The following SDK1 variants were observed in gnomAD, a reference collection of about 807,000 sequenced individuals.
SDK1 encodes protein sidekick-1.
SDK1 carries 157 observed loss-of-function variants against 245.5 expected under a neutral mutation model. That is an observed-to-expected ratio of 0.64 (90% confidence interval 0.56 to 0.73). SDK1 has a LOEUF of 0.73. Ranked by LOEUF, SDK1 falls within the 30% of genes least tolerant of loss-of-function variation. SDK1 has a pLI of 0.00. For missense variants in SDK1, 3,583 were observed against 3,002.3 expected, an observed-to-expected ratio of 1.19 and a Z score of -4.52; for synonymous variants, 1,647 against 1,278.5, an observed-to-expected ratio of 1.29 and a Z score of -6.15.
intron 1 of SDK1, among the ~76,000 whole-genome samples, chr7:3,561,605 C>T (rs79718687): frequency 0.02 from 3,114 of 152,254 alleles, 122 homozygotes; most frequent in African/African-American, 0.071. Flanking sequence ...GGTAAATGCT[C>T]AGTAAATAAT....
chr7:4,144,350 C>T (rs1779802495), intron 28 of SDK1, among the ~76,000 whole-genome samples: 2 of 152,162 alleles, frequency 1.3e-5, no homozygotes, highest in African/African-American at 4.8e-5. Flanking sequence ...GCTGCGACAG[C>T]CACTCTGGGG....
chr7:3,344,934 C>G (rs1417745715), intron 1 of SDK1, among the ~76,000 whole-genome samples: 3 of 152,134 alleles, frequency 2.0e-5, no homozygotes, highest in African/African-American at 7.2e-5. Flanking sequence ...TCCACACAAG[C>G]ACAAATTGAC....
intron 4 of SDK1, among the ~76,000 whole-genome samples, chr7:3,651,570 G>C (rs2128655993): frequency 6.6e-6 from 1 of 152,286 alleles, no homozygotes; most frequent in African/African-American, 2.4e-5. Context: ...CTAGAGGACA[G>C]AGTAATCAAT....
Position 3,668,122 on chromosome 7 carries a change from T to C in SDK1, c.713+26017T>C, listed in dbSNP as rs563979579. Among the ~76,000 whole-genome samples, 4 of 152,292 alleles carry C rather than the reference T, an allele frequency of 2.6e-5. No homozygotes were observed. The South Asian group carries it at 8.3e-4, about 32-fold the overall frequency. ...AGAGGGATAATGGCAGTTTTAGACA[T>C]GCAAGCCATTCTCATTATGTTTTAC... On this transcript the variant is annotated intron_variant, in intron 4 of 44. Coordinates refer to ENST00000404826, the MANE Select transcript of SDK1 (RefSeq NM_152744.4).
intron 29 of SDK1, among the ~76,000 whole-genome samples, chr7:4,147,831 T>C (rs1466764234): frequency 6.6e-6 from 1 of 152,174 alleles, no homozygotes; most frequent in East Asian, 1.9e-4. Context: ...CTTTCTCTAA[T>C]GTATTTGTGT....
intron 40 of SDK1, among the ~76,000 whole-genome samples, chr7:4,231,570 T>A (rs1583133328): frequency 8.0e-6 from 1 of 125,758 alleles, no homozygotes; most frequent in African/African-American, 3.0e-5. Context: ...GAGGGCCCGG[T>A]CTCAAAAAAA....
intron 4 of SDK1, among the ~76,000 whole-genome samples, chr7:3,683,706 T>C (rs1171769533): frequency 2.0e-5 from 3 of 152,200 alleles, no homozygotes; most frequent in Non-Finnish European, 2.9e-5. Flanking sequence ...CCTTGGGACT[T>C]GAGGCATGAG....
chr7:3,356,979 T>G (rs1215119035), intron 1 of SDK1, among the ~76,000 whole-genome samples: 8 of 24,114 alleles, frequency 3.3e-4, no homozygotes, highest in African/African-American at 5.9e-4. Flanking sequence ...CGCTTGAACC[T>G]GGGAGGCAGA....
intron 28 of SDK1, among the ~76,000 whole-genome samples, chr7:4,136,773 A>G (rs1345361492): frequency 1.3e-5 from 2 of 152,248 alleles, no homozygotes; most frequent in African/African-American, 2.4e-5. Flanking sequence ...GGAGGGCCTA[A>G]CATTTACCTT....
chr7:4,166,887 C>T (rs772879987), intron 32 of SDK1, among the ~76,000 whole-genome samples: 1 of 152,124 alleles, frequency 6.6e-6, no homozygotes, highest in Non-Finnish European at 1.5e-5. Flanking sequence ...TCCACAGAGG[C>T]CAGCAACGGC....
intron 35 of SDK1, among the ~76,000 whole-genome samples, chr7:4,204,203 G>A (rs1291796581): frequency 6.6e-6 from 1 of 152,252 alleles, no homozygotes; most frequent in African/African-American, 2.4e-5. Flanking sequence ...CAATGGAGTT[G>A]CCGATGGCAA....
chr7:3,440,645 G>C (rs1427123760), intron 1 of SDK1, among the ~76,000 whole-genome samples: 2 of 152,140 alleles, frequency 1.3e-5, no homozygotes, highest in African/African-American at 4.8e-5. Flanking sequence ...AAGATAGAAA[G>C]TGCTTCCTTT....
intron 21 of SDK1, among the ~76,000 whole-genome samples, chr7:4,078,958 C>A (rs1780878304): frequency 6.6e-6 from 1 of 152,060 alleles, no homozygotes; most frequent in African/African-American, 2.4e-5. Flanking sequence ...GACCGGGTGT[C>A]ACGTCGCCTG....
intron 14 of SDK1, among the ~76,000 whole-genome samples, chr7:3,993,496 T>C (rs1784495289): frequency 6.6e-6 from 1 of 152,242 alleles, no homozygotes; most frequent in Non-Finnish European, 1.5e-5. Context: ...TTCGTAATTG[T>C]GATTCCCTAT....
intron 1 of SDK1, among the ~76,000 whole-genome samples, chr7:3,602,054 C>G (rs1781270850): frequency 6.6e-6 from 1 of 151,924 alleles, no homozygotes; most frequent in African/African-American, 2.4e-5. Flanking sequence ...ATATGTGCCA[C>G]ATTTTCTTAA....
intron 4 of SDK1, among the ~76,000 whole-genome samples, chr7:3,782,060 CTGT>C (rs1780762422): frequency 6.6e-6 from 1 of 152,130 alleles, no homozygotes; most frequent in Non-Finnish European, 1.5e-5. Flanking sequence ...ATGTTTTAGG[CTGT>C]TGTTGCATTG....
At chr7:3,474,448 C>G (rs1449285213) in intron 1 of SDK1, among the ~76,000 whole-genome samples, 1 of 151,940 alleles carries the variant, frequency 6.6e-6, no homozygotes, top group Admixed American at 6.6e-5. Context: ...AGTACCAACC[C>G]CAGTATCTCA....
chr7:3,636,831 C>G (rs10263338), intron 2 of SDK1, among the ~76,000 whole-genome samples: 3 of 151,962 alleles, frequency 2.0e-5, no homozygotes, highest in Admixed American at 2.0e-4. Flanking sequence ...TTTTTCTCCA[C>G]GTTGTCAGCA....
chr7:3,859,990 G>A (rs1275289356), intron 5 of SDK1, among the ~76,000 whole-genome samples: 1 of 151,728 alleles, frequency 6.6e-6, no homozygotes, highest in Admixed American at 6.6e-5. Context: ...CATGATCTTG[G>A]CTCACTGCAA....
Sources: allele counts gnomAD v4.1 joint callset (sites outside exome capture counted in the v4.1 genomes callset), GRCh38; gene constraint gnomAD v4.1.1; transcripts MANE v1.5; gene names NCBI Gene and HGNC (gene_info 2026-07-23, HGNC 2026-07-21).